The following SHTN1 variants were observed in gnomAD, a reference collection of about 807,000 sequenced individuals.
The protein encoded by SHTN1 is shootin 1, also known as shootin-1.
Under a neutral mutation model 83.1 loss-of-function variants are expected in SHTN1, and 42 were observed. That is an observed-to-expected ratio of 0.51 (90% CI 0.39 to 0.65). The LOEUF (loss-of-function observed/expected upper bound fraction) is 0.65. SHTN1 is among the 30% of genes least tolerant of loss of function. The pLI is 0.00. For synonymous variants in SHTN1, 224 were observed against 247.7 expected (o/e 0.90, Z 0.90); for missense variants, 622 against 737.8 (o/e 0.84, Z 1.82).
At chr10:117,123,971 G>T (rs1171944065) in intron 1 of SHTN1, among the ~76,000 whole-genome samples, 3 of 151,588 alleles carry the variant, frequency 2.0e-5, no homozygotes, top group African/African-American at 7.3e-5. Flanking sequence ...GAACACTTTG[G>T]GAGGCCAAGG....
intron 2 of SHTN1, among the ~76,000 whole-genome samples, chr10:117,011,508 T>G (rs1852103041): frequency 6.6e-6 from 1 of 152,210 alleles, no homozygotes; most frequent in African/African-American, 2.4e-5. Context: ...AAATTTCCTA[T>G]GTGGAAAATA....
chr10:117,013,513 G>C (rs1460431502), intron 2 of SHTN1, among the ~76,000 whole-genome samples: 1 of 152,138 alleles, frequency 6.6e-6, no homozygotes, highest in African/African-American at 2.4e-5. Flanking sequence ...CACATGAAAA[G>C]ATGCTCAACA....
At chr10:117,064,204 C>A (rs1852940116) in intron 1 of SHTN1, among the ~76,000 whole-genome samples, 1 of 152,164 alleles carries the variant, frequency 6.6e-6, no homozygotes, top group African/African-American at 2.4e-5. Context: ...AGTAGATGCT[C>A]CAACCATGAG....
intron 2 of SHTN1, chr10:117,048,316 A>G (rs1852696412): frequency 5.0e-6 from 1 of 201,622 alleles, no homozygotes; most frequent in South Asian, 1.7e-4. Flanking sequence ...TCCTATTCTG[A>G]CAACTAACTA....
chr10:117,114,031 A>T (rs1301164086), intron 1 of SHTN1, among the ~76,000 whole-genome samples: 1 of 152,134 alleles, frequency 6.6e-6, no homozygotes, highest in African/African-American at 2.4e-5. Flanking sequence ...TGGACGACAG[A>T]GCGAGACTCC....
At chr10:117,106,985 AAC>A (rs1280887924) in intron 1 of SHTN1, among the ~76,000 whole-genome samples, 1 of 152,214 alleles carries the variant, frequency 6.6e-6, no homozygotes, top group Non-Finnish European at 1.5e-5. Flanking sequence ...AAGTGCTTAA[AAC>A]ACTACCTGAC....
At chr10:117,060,563 C>G (rs182986387) in intron 1 of SHTN1, among the ~76,000 whole-genome samples, 2 of 152,128 alleles carry the variant, frequency 1.3e-5, no homozygotes, top group African/African-American at 4.8e-5. Context: ...AATTAATAAA[C>G]AGAGCAACTA....
chr10:116,928,056 T>A (rs1318045400), intron 10 of SHTN1, among the ~76,000 whole-genome samples, 165 bp from the exon 11 acceptor site: 2 of 152,238 alleles, frequency 1.3e-5, no homozygotes, highest in Non-Finnish European at 2.9e-5. Flanking sequence ...CTTTTCACTA[T>A]CTAGTCTATT....
At chr10:116,984,070 A>G (rs1276686691) in intron 1 of SHTN1, among the ~76,000 whole-genome samples, 2 of 152,134 alleles carry the variant, frequency 1.3e-5, no homozygotes, top group Non-Finnish European at 2.9e-5. Context: ...AGCTAGGGTT[A>G]ATAAGAATCA....
At position 117,053,024 on chromosome 10, in the gene SHTN1, A is replaced by AAAAAG. The variant is rs1852771758; in HGVS notation, c.-188-4515_-188-4514insCTTTT. On this transcript the variant is annotated intron_variant, in intron 1 of 17. Coordinates refer to the SHTN1 transcript ENST00000392901. ...AACAGAGCAAGACTGTGTCTCAAAA[A>AAAAAG]AAAAAAGAATTAAGAATTAAGTTGG... Among the ~76,000 whole-genome samples the AAAAAG allele has an allele frequency of 5.9e-5, 3 of 51,282 alleles. 1 individual carries two copies. The highest frequency in any genetic ancestry group is 1.1e-4 in the Non-Finnish European group (2 of 17,614). 33.6% of individuals were successfully genotyped at this position (51,282 alleles called of 152,430 possible).
intron 14 of SHTN1, chr10:116,911,412 T>G: frequency 6.6e-7 from 1 of 1,508,096 alleles, no homozygotes; most frequent in Non-Finnish European, 8.9e-7. Context: ...CATTTAGGAT[T>G]CTCCTTTTAG....
intron 2 of SHTN1, among the ~76,000 whole-genome samples, chr10:117,029,547 G>A (rs573833709): frequency 2.8e-4 from 43 of 152,254 alleles, no homozygotes; most frequent in African/African-American, 9.9e-4. Flanking sequence ...TTGGAGGTGG[G>A]GCCTGGTGGG....
chr10:116,910,166 C>T (rs1348107318), intron 14 of SHTN1, among the ~76,000 whole-genome samples: 1 of 152,102 alleles, frequency 6.6e-6, no homozygotes, highest in Non-Finnish European at 1.5e-5. Flanking sequence ...AATAGTCCAT[C>T]CTTCCTCAAA....
At chr10:117,123,094 C>G (rs1437012730) in intron 1 of SHTN1, among the ~76,000 whole-genome samples, 1 of 151,034 alleles carries the variant, frequency 6.6e-6, no homozygotes, top group Non-Finnish European at 1.5e-5. Context: ...CCTCTGCCTC[C>G]CGGGTGCAAG....
chr10:116,968,820 C>A, intron 2 of SHTN1, 108 bp from the exon 3 acceptor site: 2 of 823,796 alleles, frequency 2.4e-6, no homozygotes, highest in South Asian at 3.2e-5. Context: ...GAAAACAAAA[C>A]AAAATTTAAA....
chr10:117,086,219 G>A (rs1853350492), intron 1 of SHTN1, among the ~76,000 whole-genome samples: 1 of 152,268 alleles, frequency 6.6e-6, no homozygotes, highest in Non-Finnish European at 1.5e-5. Flanking sequence ...CGTCCATCAT[G>A]AGCCACCGCG....
chr10:117,036,163 G>C (rs1293876991), intron 2 of SHTN1, among the ~76,000 whole-genome samples: 2 of 151,976 alleles, frequency 1.3e-5, no homozygotes, highest in Admixed American at 6.6e-5. Flanking sequence ...GTGAAGAAAA[G>C]GGAACCCTCA....
chr10:116,954,729 G>T (rs750883819), intron 4 of SHTN1, among the ~76,000 whole-genome samples: 2 of 152,146 alleles, frequency 1.3e-5, no homozygotes, highest in African/African-American at 4.8e-5. Context: ...CATGACCCAA[G>T]TGTGACCAGT....
chr10:117,053,068 A>G (rs1288461158), intron 1 of SHTN1, among the ~76,000 whole-genome samples: 2 of 150,452 alleles, frequency 1.3e-5, no homozygotes, highest in African/African-American at 2.4e-5. Context: ...GTGACCCCTC[A>G]TAGCATTTAC....
Sources: allele counts gnomAD v4.1 joint callset (sites outside exome capture counted in the v4.1 genomes callset), GRCh38; gene constraint gnomAD v4.1.1; transcripts MANE v1.5; gene names NCBI Gene and HGNC (gene_info 2026-07-23, HGNC 2026-07-21).